Variants in CAST observed in about 807,000 individuals in gnomAD.
The protein encoded by CAST is MIR583 host.
In CAST, 76 loss-of-function variants were observed where a neutral mutation model predicts 119.6. The observed-to-expected ratio is 0.64, with a 90% CI of 0.53 to 0.77. The LOEUF is 0.77. Among genes scored for constraint, CAST ranks in the 30% least tolerant of loss-of-function variants. The pLI is 0.00. For missense variants in CAST, 953 were observed against 946.5 expected, an observed-to-expected ratio of 1.01 and a Z score of -0.09; for synonymous variants, 319 against 331.6, an observed-to-expected ratio of 0.96 and a Z score of 0.41.
At chr5:96,525,214 GT>G (rs1284944204), upstream of CAST, 1 of 152,118 alleles carries the variant, frequency 6.6e-6, no homozygotes, top group African/African-American at 2.4e-5. Flanking sequence ...GGATTTTTTT[GT>G]TTGAGCTGAA....
the CAST span, among the ~76,000 whole-genome samples, chr5:96,300,914 T>C: frequency 1.3e-5 from 2 of 151,220 alleles, no homozygotes; most frequent in African/African-American, 4.9e-5. Flanking sequence ...TTCACGTTAA[T>C]ATAGAGAAAT....
At chr5:96,046,466 C>A in the CAST span, among the ~76,000 whole-genome samples, 1 of 152,144 alleles carries the variant, frequency 6.6e-6, no homozygotes, top group South Asian at 2.1e-4. Flanking sequence ...ATTCCATCTT[C>A]ACTCCACCAT....
At chr5:96,287,671 T>C in the CAST span, among the ~76,000 whole-genome samples, 1 of 152,134 alleles carries the variant, frequency 6.6e-6, no homozygotes, top group African/African-American at 2.4e-5. Context: ...TTTATCTACT[T>C]CTATTCTAGA....
chr5:95,965,916 G>A, the CAST span, among the ~76,000 whole-genome samples: 3 of 152,172 alleles, frequency 2.0e-5, no homozygotes, highest in African/African-American at 7.2e-5. Flanking sequence ...TACAAGAAAT[G>A]TTACATTGCA....
the CAST span, among the ~76,000 whole-genome samples, chr5:96,512,226 T>G: frequency 6.6e-6 from 1 of 152,266 alleles, no homozygotes; most frequent in Non-Finnish European, 1.5e-5. Flanking sequence ...TTAATGTTGA[T>G]TTCTTCCACT....
chr5:95,967,043 G>A, the CAST span, among the ~76,000 whole-genome samples: 1 of 152,174 alleles, frequency 6.6e-6, no homozygotes, highest in Non-Finnish European at 1.5e-5. Context: ...CTCTGAAAAG[G>A]AGAAGAGTGG....
the CAST span, among the ~76,000 whole-genome samples, chr5:96,184,530 AGT>A: frequency 1.3e-5 from 2 of 152,022 alleles, no homozygotes; most frequent in African/African-American, 4.8e-5. Context: ...AACAGGCCCC[AGT>A]GTGTGTTGTT....
chr5:96,198,907 C>G, the CAST span, among the ~76,000 whole-genome samples: 8 of 152,208 alleles, frequency 5.3e-5, no homozygotes, highest in Non-Finnish European at 7.4e-5. Flanking sequence ...CTGTCATGTC[C>G]ATTTTTCATG....
chr5:96,557,593 A>C (rs1156242382), intron 1 of CAST, among the ~76,000 whole-genome samples: 1 of 152,206 alleles, frequency 6.6e-6, no homozygotes, highest in Non-Finnish European at 1.5e-5. Flanking sequence ...AAACCAACAA[A>C]GATCAAAAGA....
At chr5:96,028,054 A>G in the CAST span, among the ~76,000 whole-genome samples, 1 of 152,138 alleles carries the variant, frequency 6.6e-6, no homozygotes, top group South Asian at 2.1e-4. Context: ...AGGATTTTCT[A>G]TTACATTAAC....
chr5:96,415,120 GGA>G, the CAST span, among the ~76,000 whole-genome samples: 39 of 152,196 alleles, frequency 2.6e-4, no homozygotes, highest in African/African-American at 9.4e-4. Flanking sequence ...AGCATAAAGA[GGA>G]GAGACAGTTT....
the CAST span, among the ~76,000 whole-genome samples, chr5:96,396,298 C>T: frequency 6.6e-6 from 1 of 152,164 alleles, no homozygotes; most frequent in Non-Finnish European, 1.5e-5. Flanking sequence ...TGGTGGCTTA[C>T]ACCTGTAATC....
At chr5:96,310,728 T>A in the CAST span, among the ~76,000 whole-genome samples, 1 of 151,936 alleles carries the variant, frequency 6.6e-6, no homozygotes, top group Non-Finnish European at 1.5e-5. Context: ...CATATAATTG[T>A]TCTTTTGATC....
the CAST span, among the ~76,000 whole-genome samples, chr5:96,193,241 A>G: frequency 6.6e-6 from 1 of 152,068 alleles, no homozygotes; most frequent in Non-Finnish European, 1.5e-5. Flanking sequence ...GATGTATTTG[A>G]AAAAAATGCT....
chr5:96,521,414 G>T (rs368707775), upstream of CAST, among the ~76,000 whole-genome samples: 1 of 152,096 alleles, frequency 6.6e-6, no homozygotes, highest in South Asian at 2.1e-4. Flanking sequence ...TCTTTCTCAC[G>T]TTCCCAAAGT....
intron 3 of CAST, among the ~76,000 whole-genome samples, chr5:96,712,605 A>G (rs1347472301): frequency 6.6e-6 from 1 of 152,250 alleles, no homozygotes; most frequent in Non-Finnish European, 1.5e-5. Context: ...CTGGGATTAT[A>G]GGCATGAGCC....
the CAST span, among the ~76,000 whole-genome samples, chr5:96,155,463 A>T: frequency 6.6e-6 from 1 of 152,254 alleles, no homozygotes; most frequent in Non-Finnish European, 1.5e-5. Context: ...ACATTTTAAA[A>T]TAGAAAACAA....
chr5:96,687,973 G>A (rs73774386), intron 2 of CAST, among the ~76,000 whole-genome samples: 1 of 152,088 alleles, frequency 6.6e-6, no homozygotes, highest in Non-Finnish European at 1.5e-5. Flanking sequence ...TACTACCAGC[G>A]CCAATAAGAA....
chr5:96,431,240 C>T, the CAST span, among the ~76,000 whole-genome samples: 2 of 152,194 alleles, frequency 1.3e-5, no homozygotes, highest in African/African-American at 2.4e-5. Flanking sequence ...TACTACTAAA[C>T]TGTATTATGT....
Sources: gnomAD v4.1 joint callset for allele counts (sites outside exome capture counted in the v4.1 genomes callset) on GRCh38, gnomAD v4.1.1 for gene constraint, MANE v1.5 for transcripts, NCBI Gene and HGNC (gene_info 2026-07-23, HGNC 2026-07-21) for gene names.